GLYATL3: variants seen among roughly 807,000 people sequenced by gnomAD.
GLYATL3 encodes the protein glycine N-acyltransferase-like protein 3.
A neutral mutation model predicts 28.5 loss-of-function variants in GLYATL3; 31 were observed. That is an observed-to-expected ratio of 1.09 (90% confidence interval 0.82 to 1.47). GLYATL3 has a LOEUF of 1.47. Ranked by LOEUF, GLYATL3 falls within the 40% of genes most tolerant of loss-of-function variation. GLYATL3 has a pLI of 0.00. For missense variants in GLYATL3, 369 were observed against 351.5 expected, an observed-to-expected ratio of 1.05 and a Z score of -0.40; for synonymous variants, 141 against 140.2, an observed-to-expected ratio of 1.01 and a Z score of -0.04.
chr6:49,525,452 C>G (rs998437647), intron 5 of GLYATL3, among the ~76,000 whole-genome samples: 1 of 150,280 alleles, frequency 6.7e-6, no homozygotes, highest in Non-Finnish European at 1.5e-5. Context: ...TAATCCCACA[C>G]GCACGTGAGG....
chr6:49,517,311 T>A, intron 3 of GLYATL3, 119 bp from the exon 4 acceptor site: 2 of 760,004 alleles, frequency 2.6e-6, no homozygotes, highest in East Asian at 6.2e-5. Context: ...GGGGTCTAAT[T>A]TTGTTAGCCA....
chr6:49,526,810 G>A lies in GLYATL3; in HGVS notation c.763G>A (p.Ala255Thr). The change falls in exon 6 of 6, where the codon GCG (alanine) becomes ACG (threonine). Residue 255 changes from alanine to threonine, a missense_variant. Physicochemically the swap from Ala to Thr is moderately conservative, Grantham distance 58. Transcript: ENST00000371197. Reference sequence around the variant, plus strand: ...GGGGAACGTCCTGGATGACAACACGGCGTCTATAAGCCTCCTGAAGAGTCT... The same window carrying A: ...GGGGAACGTCCTGGATGACAACACGACGTCTATAAGCCTCCTGAAGAGTCT... ...SQGNVLDDNT[A>T]SISLLKSLHA... The A allele has an allele frequency of 1.3e-6, 2 of 1,552,168 alleles. No homozygotes were observed. Among genetic ancestry groups the A allele is most frequent in the Non-Finnish European group, 1.7e-6 (2 of 1,147,074 alleles).
intron 5 of GLYATL3, among the ~76,000 whole-genome samples, chr6:49,525,510 G>C (rs565852769): frequency 7.1e-6 from 1 of 141,488 alleles, no homozygotes; most frequent in Middle Eastern, 4.1e-3. Context: ...GTTGCAGTGA[G>C]CCGAGATTGC....
intron 3 of GLYATL3, among the ~76,000 whole-genome samples, chr6:49,516,512 C>A (rs1307859314): frequency 1.3e-5 from 2 of 152,036 alleles, no homozygotes; most frequent in Admixed American, 1.3e-4. Context: ...CAAAGAGGTA[C>A]CGTCCTGACC....
rs543330972 is a variant in GLYATL3 at position 49,522,595 on chromosome 6, TA to T, written c.440+831del. ...ATGATTAAACCAAGCCAGTTAATATTAAAAAAAGTTGTAATATTTTCCTGAC... is the reference window on the plus strand; with the variant it reads ...ATGATTAAACCAAGCCAGTTAATATTAAAAAAGTTGTAATATTTTCCTGAC... On this transcript the variant is annotated intron_variant, in intron 5 of 5. Coordinates refer to ENST00000371197, the MANE Select transcript of GLYATL3 (RefSeq NM_001010904.2). Among the ~76,000 whole-genome samples, 6 of 152,122 alleles carry T rather than the reference TA, an allele frequency of 3.9e-5. No individual in the cohort carries two copies. In the South Asian group the frequency reaches 8.3e-4, roughly 21 times the overall value.
intron 2 of GLYATL3, among the ~76,000 whole-genome samples, chr6:49,512,333 T>C (rs563875801): frequency 1.3e-5 from 2 of 150,298 alleles, no homozygotes; most frequent in South Asian, 4.2e-4. Context: ...GTGCTGAATG[T>C]GCAGATTTGT....
intron 5 of GLYATL3, among the ~76,000 whole-genome samples, chr6:49,522,432 A>G (rs1769332149): frequency 6.6e-6 from 1 of 152,128 alleles, no homozygotes; most frequent in Non-Finnish European, 1.5e-5. Flanking sequence ...TTTACTAATT[A>G]CCTTTCTGAG....
chr6:49,521,585 T>G, intron 4 of GLYATL3, 60 bp from the exon 5 acceptor site: 4 of 1,455,228 alleles, frequency 2.7e-6, no homozygotes, highest in Non-Finnish European at 3.7e-6. Context: ...TGCAACAAAT[T>G]TCCTTTTTGC....
chr6:49,510,507 A>C (rs1340747853), intron 1 of GLYATL3, among the ~76,000 whole-genome samples: 1 of 152,248 alleles, frequency 6.6e-6, no homozygotes, highest in South Asian at 2.1e-4. Flanking sequence ...TTCACATTCC[A>C]CTGCCCTTTG....
Position 49,527,032 on chromosome 6 carries a change from C to CTGA in GLYATL3, c.*120_*121insATG. ...GGACTCTTGAGTTGTTGGAAAGGGT[C>CTGA]TGGAGAATATATACAGGATCCACTT... On this transcript the variant is annotated 3_prime_UTR_variant, in exon 6 of 6. Transcript: ENST00000371197. 1.3e-6 allele frequency: 1 copy of CTGA among 763,366 alleles called. No homozygotes were observed. Among genetic ancestry groups the CTGA allele is most frequent in the Non-Finnish European group, 2.1e-6 (1 of 486,620 alleles). The allele number at this position is 763,366 out of a possible 1,614,324, so 47.3% of individuals were successfully genotyped here.
Position 49,515,682 on chromosome 6 carries a change from T to A in GLYATL3, c.108T>A (p.Arg36=). 1 of 1,550,860 alleles carries A rather than the reference T, an allele frequency of 6.4e-7. No individual in the cohort carries two copies. The highest frequency in any genetic ancestry group is 1.2e-5 in the South Asian group (1 of 84,036). Residue 36 remains arginine (R), a synonymous_variant, in exon 3 of 6, where the codon CGT becomes CGA. Transcript: ENST00000371197. ...KVYGAVMNIN[R]GNPFQKEVVL... ...ACGGAGCGGTGATGAACATAAATCGTGGGAACCCCTTTCAAAAGGAAGTGG... is the reference window on the plus strand; with the variant it reads ...ACGGAGCGGTGATGAACATAAATCGAGGGAACCCCTTTCAAAAGGAAGTGG...
intron 5 of GLYATL3, among the ~76,000 whole-genome samples, chr6:49,525,994 TAA>T (rs1769404287): frequency 6.6e-6 from 1 of 152,196 alleles, no homozygotes; most frequent in South Asian, 2.1e-4. Flanking sequence ...TTTGATGTAA[TAA>T]GTGTTTTGTC....
chr6:49,511,710 G>A (rs776490469), intron 1 of GLYATL3, among the ~76,000 whole-genome samples: 2 of 152,146 alleles, frequency 1.3e-5, no homozygotes, highest in Non-Finnish European at 2.9e-5. Flanking sequence ...AGAGTTTAGA[G>A]TACAATCAAT....
chr6:49,510,025 A>ATTT (rs1769090375), intron 1 of GLYATL3, among the ~76,000 whole-genome samples: 1 of 48,902 alleles, frequency 2.0e-5, no homozygotes, highest in Non-Finnish European at 4.4e-5. Context: ...TCCTTCCTTT[A>ATTT]TTTCATTTAT....
chr6:49,511,979 G>C lies in GLYATL3; in HGVS notation c.-12G>C. ...TCTAATTAGGTGTGGAGTTGCAAGA[G>C]CTCTGGAAAAGATGTTGGTGCTAAA... On this transcript the variant is annotated 5_prime_UTR_variant, in exon 2 of 6. Transcript: ENST00000371197. The C allele has an allele frequency of 1.4e-6, 2 of 1,405,570 alleles. No homozygotes were observed. Among genetic ancestry groups the C allele is most frequent in the Non-Finnish European group, 1.9e-6 (2 of 1,026,516 alleles). The allele number at this position is 1,405,570 out of a possible 1,614,324, so 87.1% of individuals were successfully genotyped here. A position where few individuals can be genotyped will look rare whatever the true frequency, so the allele number is the denominator to read the frequency against.
Position 49,526,854 on chromosome 6 carries a change from T to C in GLYATL3, c.807T>C (p.Pro269=), listed in dbSNP as rs1347470190. The C allele has an allele frequency of 2.6e-6, 4 of 1,551,606 alleles. No homozygotes were observed. The South Asian group carries it at 4.8e-5, about 18-fold the overall frequency. The change falls in exon 6 of 6, where the codon CCT becomes CCC. Residue 269 remains proline (P), a synonymous_variant. Transcript: ENST00000371197. ...LLKSLHAEFL[P]CRFHRLILTP... is the part of the protein sequence containing the mutation. ...AGAGTCTCCATGCTGAGTTCTTGCC[T>C]TGTCGCTTCCACAGGCTTATTCTCA... is the stretch of plus-strand genomic sequence containing the variant.
chr6:49,509,680 G>T (rs1328525353), intron 1 of GLYATL3, among the ~76,000 whole-genome samples: 1 of 152,178 alleles, frequency 6.6e-6, no homozygotes, highest in Non-Finnish European at 1.5e-5. Flanking sequence ...TCTTTTTGCT[G>T]CTCTATGCAT....
intron 4 of GLYATL3, among the ~76,000 whole-genome samples, chr6:49,520,839 A>AC (rs1181634183): frequency 6.6e-6 from 1 of 152,106 alleles, no homozygotes; most frequent in East Asian, 1.9e-4. Flanking sequence ...TTATAGGGAG[A>AC]CCCCATCTCT....
At chr6:49,518,038 T>TC (rs1436807678) in intron 4 of GLYATL3, among the ~76,000 whole-genome samples, 4 of 152,224 alleles carry the variant, frequency 2.6e-5, no homozygotes, top group African/African-American at 9.6e-5. Context: ...CTGTTTTTTT[T>TC]CTGAGTCAAG....
Sources: gnomAD v4.1 joint callset for allele counts (sites outside exome capture counted in the v4.1 genomes callset) on GRCh38, gnomAD v4.1.1 for gene constraint, MANE v1.5 for transcripts, NCBI Gene and HGNC (gene_info 2026-07-23, HGNC 2026-07-21) for gene names.